The following TLN2 variants were observed in gnomAD, a reference collection of about 807,000 sequenced individuals.
The protein encoded by TLN2 is talin-2.
Under a neutral mutation model 294.7 loss-of-function variants are expected in TLN2, and 118 were observed. The ratio of observed to expected loss-of-function variants is 0.40; its 90% CI spans 0.34 to 0.47. The LOEUF (loss-of-function observed/expected upper bound fraction) is 0.47. Ranked by LOEUF, TLN2 falls within the 20% of genes least tolerant of loss-of-function variation. TLN2 has a pLI of 0.84. For synonymous variants in TLN2, 1,431 were observed against 1,304.5 expected (o/e 1.10, Z -2.09); for missense variants, 3,083 against 3,282.2 (o/e 0.94, Z 1.48).
intron 28 of TLN2, among the ~76,000 whole-genome samples, chr15:62,728,538 C>A (rs2060556456): frequency 6.6e-6 from 1 of 152,170 alleles, no homozygotes; most frequent in Non-Finnish European, 1.5e-5. Context: ...TATGGAAGCT[C>A]CAGTTGTTCT....
At chr15:62,742,511 C>T (rs2061396599) in intron 32 of TLN2, among the ~76,000 whole-genome samples, 1 of 152,100 alleles carries the variant, frequency 6.6e-6, no homozygotes, top group Non-Finnish European at 1.5e-5. Flanking sequence ...ATAAATTGCC[C>T]TTTTGAAAGC....
intron 1 of TLN2, among the ~76,000 whole-genome samples, chr15:62,410,230 A>G (rs2033690301): frequency 6.6e-6 from 1 of 152,086 alleles, no homozygotes; most frequent in Non-Finnish European, 1.5e-5. Flanking sequence ...TGACAGAGCG[A>G]GACTCCATCT....
chr15:62,488,754 C>G (rs1214992123), intron 1 of TLN2, among the ~76,000 whole-genome samples: 1 of 152,166 alleles, frequency 6.6e-6, no homozygotes, highest in East Asian at 1.9e-4. Context: ...AAAATATTTA[C>G]TGAGCCTCTC....
At chr15:62,438,300 CTATTACACTTCTCCCTTGTGGAAA>C (rs1243222485) in intron 1 of TLN2, among the ~76,000 whole-genome samples, 2 of 65,450 alleles carry the variant, frequency 3.1e-5, no homozygotes, top group African/African-American at 7.9e-5. Context: ...GGAGTGGGGG[CTATTACACTTCTCCCTTGTGGAAA>C]TATGCCATAT....
intron 2 of TLN2, among the ~76,000 whole-genome samples, chr15:62,617,312 T>G (rs2048388171): frequency 2.0e-5 from 3 of 152,142 alleles, no homozygotes; most frequent in Admixed American, 6.5e-5. Flanking sequence ...TGCCTGAAGA[T>G]GACCACAGTG....
intron 45 of TLN2, among the ~76,000 whole-genome samples, chr15:62,791,144 C>G (rs1015114917): frequency 6.6e-6 from 1 of 151,312 alleles, no homozygotes; most frequent in Non-Finnish European, 1.5e-5. Context: ...GTCAGGAGTT[C>G]GAGACCAGCC....
intron 1 of TLN2, among the ~76,000 whole-genome samples, chr15:62,561,747 C>T (rs2042978802): frequency 6.6e-6 from 1 of 152,184 alleles, no homozygotes; most frequent in Non-Finnish European, 1.5e-5. Context: ...AGACCCCACC[C>T]TGGCCTCCTT....
Position 62,631,575 on chromosome 15 carries a change from T to TCCTTTC in TLN2, c.-37+13101_-37+13102insCTTTCC, listed in dbSNP as rs200490731. Among the ~76,000 whole-genome samples, 21 of 141,842 alleles carry TCCTTTC rather than the reference T, an allele frequency of 1.5e-4. 1 individual carries two copies. Among genetic ancestry groups the TCCTTTC allele is most frequent in the South Asian group, 1.2e-3 (5 of 4,260 alleles). 93.1% of individuals were successfully genotyped at this position (141,842 alleles called of 152,430 possible). On this transcript the variant is annotated intron_variant, in intron 3 of 58. Transcript: ENST00000636159. ...TCCTTTCCTTTCCTTTCCTTTCCTT[T>TCCTTTC]CTTTCTCTCTCTTCTTTCACTCTCT...
rs372836069 is a variant in TLN2 at position 62,761,712 on chromosome 15, G to A, written c.4670G>A (p.Arg1557His). The change falls in exon 38 of 59, where the codon CGC (arginine) becomes CAC (histidine). Residue 1557 changes from arginine (R) to histidine (H), a missense_variant. Transcript: ENST00000636159. ...GATGGGGATTTCTCTGAAGACAACC[G>A]CAATAAGTGTCGCATCGCCACCGCA... ...ALDGDFSEDN[R>H]NKCRIATAPL... The A allele has an allele frequency of 1.6e-5, 26 of 1,613,942 alleles. No individual in the cohort carries two copies. Among genetic ancestry groups the A allele is most frequent in the Middle Eastern group, 1.6e-4 (1 of 6,084 alleles).
chr15:62,836,236 C>CG, intron 57 of TLN2, 163 bp downstream of exon 57: 1 of 969,978 alleles, frequency 1.0e-6, no homozygotes, highest in Non-Finnish European at 1.5e-6. Flanking sequence ...GCATCCTCCA[C>CG]TGCTGCCCCA....
chr15:62,656,459 C>T (rs1435608545), intron 8 of TLN2, among the ~76,000 whole-genome samples: 1 of 152,196 alleles, frequency 6.6e-6, no homozygotes, highest in Non-Finnish European at 1.5e-5. Flanking sequence ...GAAATCAGGA[C>T]TCTCATTAAC....
chr15:62,501,194 G>T (rs951277461), intron 1 of TLN2, among the ~76,000 whole-genome samples: 1 of 152,198 alleles, frequency 6.6e-6, no homozygotes, highest in African/African-American at 2.4e-5. Flanking sequence ...TTTAAAAAAA[G>T]GAGGAACTTT....
intron 52 of TLN2, among the ~76,000 whole-genome samples, chr15:62,811,142 C>T (rs1378600069): frequency 3.9e-5 from 6 of 152,234 alleles, no homozygotes; most frequent in Admixed American, 2.0e-4. Flanking sequence ...AAATTATCTT[C>T]TGATGCTAAA....
intron 11 of TLN2, among the ~76,000 whole-genome samples, chr15:62,680,904 T>C (rs1164318203): frequency 6.6e-6 from 1 of 152,180 alleles, no homozygotes; most frequent in Non-Finnish European, 1.5e-5. Flanking sequence ...GCAAAGGACA[T>C]TATTTTGTTC....
chr15:62,584,236 G>A (rs904469934), intron 1 of TLN2, among the ~76,000 whole-genome samples: 1 of 152,214 alleles, frequency 6.6e-6, no homozygotes, highest in Non-Finnish European at 1.5e-5. Context: ...ATCAACATGA[G>A]CAAGTGAAAG....
chr15:62,484,529 G>A (rs1194069946), intron 1 of TLN2, among the ~76,000 whole-genome samples: 2 of 151,960 alleles, frequency 1.3e-5, no homozygotes, highest in South Asian at 2.1e-4. Flanking sequence ...GGGTTCAAGC[G>A]ATTCTCCTGC....
chr15:62,806,937 C>T (rs926112638), intron 51 of TLN2, among the ~76,000 whole-genome samples: 24 of 151,976 alleles, frequency 1.6e-4, no homozygotes, highest in Non-Finnish European at 3.4e-4. Context: ...GGTGGCTCCT[C>T]AGAAGGAGAG....
chr15:62,604,892 GCCTCCTCCT>G (rs539174724), intron 2 of TLN2, among the ~76,000 whole-genome samples: 1 of 151,300 alleles, frequency 6.6e-6, no homozygotes, highest in African/African-American at 2.4e-5. Context: ...CGCTGCCGCC[GCCTCCTCCT>G]CCTCCTCCTC....
intron 54 of TLN2, among the ~76,000 whole-genome samples, chr15:62,824,873 C>G (rs1023997782): frequency 2.0e-5 from 3 of 152,188 alleles, no homozygotes; most frequent in African/African-American, 7.2e-5. Flanking sequence ...TTTGTGAGCA[C>G]TGCTTTCTGG....
Sources: allele counts gnomAD v4.1 joint callset (sites outside exome capture counted in the v4.1 genomes callset), GRCh38; gene constraint gnomAD v4.1.1; transcripts MANE v1.5; gene names NCBI Gene and HGNC (gene_info 2026-07-23, HGNC 2026-07-21).